SHB: variants seen among roughly 807,000 people sequenced by gnomAD.
SHB encodes the protein SH2 domain containing adaptor protein B, also known as SH2 domain-containing adapter protein B.
Under a neutral mutation model 52.3 loss-of-function variants are expected in SHB, and 20 were observed. The observed-to-expected ratio is 0.38, with a 90% CI of 0.27 to 0.56. The LOEUF (loss-of-function observed/expected upper bound fraction) is 0.56, where lower values mean the gene tolerates loss of function less well. SHB is among the 20% of genes least tolerant of loss of function. SHB has a pLI of 0.71. For missense variants in SHB, 825 were observed against 723.3 expected (o/e 1.14, Z -1.61); for synonymous variants, 397 against 316.5 (o/e 1.25, Z -2.70).
chr9:37,975,860 G>A (rs1433232414), intron 2 of SHB, among the ~76,000 whole-genome samples: 3 of 152,154 alleles, frequency 2.0e-5, no homozygotes, highest in Non-Finnish European at 4.4e-5. Context: ...GGCAGGGCAG[G>A]AGGGAAGGGA....
chr9:38,015,501 A>G, intron 2 of SHB: 1 of 701,166 alleles, frequency 1.4e-6, no homozygotes, highest in East Asian at 2.7e-5. Context: ...GACCAGGGTT[A>G]TTTATGCTGC....
At chr9:37,970,249 C>T (rs758935186) in intron 3 of SHB, among the ~76,000 whole-genome samples, 1 of 152,198 alleles carries the variant, frequency 6.6e-6, no homozygotes, top group African/African-American at 2.4e-5. Context: ...GCTGTTTGGA[C>T]GGCTCCAAGT....
intron 3 of SHB, among the ~76,000 whole-genome samples, chr9:37,957,703 C>G (rs536074628): frequency 1.3e-5 from 2 of 152,210 alleles, no homozygotes; most frequent in African/African-American, 4.8e-5. Flanking sequence ...GACAGAGATA[C>G]CTGCCTTATG....
chr9:37,948,880 C>A, intron 4 of SHB, 126 bp from the exon 5 acceptor site: 1 of 1,251,534 alleles, frequency 8.0e-7, no homozygotes, highest in Non-Finnish European at 1.1e-6. Flanking sequence ...TGGTTCATTC[C>A]ATGGGTACCC....
At chr9:38,030,673 C>G (rs1334098733) in intron 1 of SHB, among the ~76,000 whole-genome samples, 1 of 152,168 alleles carries the variant, frequency 6.6e-6, no homozygotes, top group African/African-American at 2.4e-5. Context: ...TTTGGAAATT[C>G]TTAATAATTT....
intron 2 of SHB, among the ~76,000 whole-genome samples, chr9:37,985,429 TC>T (rs1198995110): frequency 6.6e-6 from 1 of 152,246 alleles, no homozygotes; most frequent in African/African-American, 2.4e-5. Context: ...TCTGCAATGA[TC>T]CACAGTGTCC....
At position 37,953,148 on chromosome 9, in the gene SHB, C is replaced by T. The variant is rs1832586099; in HGVS notation, c.1226+2735G>A. ...GAAGGAGAGTGGTCAACTGTGGTGA[C>T]TGCCACGGAGGACAGAGGGGGTCGT... On this transcript the variant is annotated intron_variant, in intron 4 of 5. Coordinates refer to ENST00000377707, the MANE Select transcript of SHB (RefSeq NM_003028.3). 2.0e-5 allele frequency among the ~76,000 whole-genome samples: 3 copies of T among 152,082 alleles called. No individual in the cohort carries two copies. The South Asian group carries it at 6.2e-4, about 32-fold the overall frequency.
At chr9:38,048,824 C>T (rs1276962357) in intron 1 of SHB, among the ~76,000 whole-genome samples, 3 of 152,096 alleles carry the variant, frequency 2.0e-5, no homozygotes, top group Admixed American at 1.3e-4. Flanking sequence ...TTTGGTTTTG[C>T]CAAATGTTTT....
chr9:37,957,355 T>C (rs1587211994), intron 3 of SHB, among the ~76,000 whole-genome samples: 1 of 152,110 alleles, frequency 6.6e-6, no homozygotes, highest in South Asian at 2.1e-4. Context: ...GCTGGCGGGG[T>C]AACGTGCTGT....
intron 1 of SHB, among the ~76,000 whole-genome samples, chr9:38,052,316 G>A (rs570444526): frequency 1.3e-5 from 2 of 152,232 alleles, no homozygotes; most frequent in South Asian, 4.1e-4. Flanking sequence ...ACTTGTACAA[G>A]GCCTCCTCCG....
intron 2 of SHB, among the ~76,000 whole-genome samples, chr9:37,985,443 T>C (rs1003302241): frequency 3.3e-5 from 5 of 152,262 alleles, no homozygotes; most frequent in African/African-American, 1.2e-4. Context: ...CAGTGTCCAT[T>C]AGCCCTACCA....
chr9:38,067,439 G>C (rs1230465863), intron 1 of SHB, among the ~76,000 whole-genome samples: 3 of 152,152 alleles, frequency 2.0e-5, no homozygotes, highest in Non-Finnish European at 4.4e-5. Flanking sequence ...AGCCGCGAGA[G>C]ATTTACATAT....
rs1822000511 is a variant in SHB at position 38,068,226 on chromosome 9, G to A, written c.420C>T (p.Cys140=). 2.1e-6 allele frequency: 3 copies of A among 1,396,590 alleles called. No homozygotes were observed. Among genetic ancestry groups the A allele is most frequent in the African/African-American group, 3.0e-5 (2 of 65,768 alleles). 86.5% of individuals were successfully genotyped at this position (1,396,590 alleles called of 1,614,324 possible). A position where few individuals can be genotyped will look rare whatever the true frequency, so the allele number is the denominator to read the frequency against. Reference sequence around the variant, plus strand: ...CGGCCCCCGCGCCCGAGGAGGCGCAGCAACAGCCCGCGGCGCCCGACGCGG... The same window carrying A: ...CGGCCCCCGCGCCCGAGGAGGCGCAACAACAGCCCGCGGCGCCCGACGCGG... The part of the protein sequence containing the change: ...ASSASGAAGC[C]CASSGAGAAA... The change falls in exon 1 of 6, where the codon TGC becomes TGT. Residue 140 remains cysteine (C), a synonymous_variant. Transcript: ENST00000377707.
chr9:37,944,992 A>G (rs1832475984), intron 5 of SHB, among the ~76,000 whole-genome samples: 1 of 151,840 alleles, frequency 6.6e-6, no homozygotes, highest in Non-Finnish European at 1.5e-5. Context: ...GACTGTTCTC[A>G]CCTCTGGACT....
At position 37,925,022 on chromosome 9, in the gene SHB, T is replaced by C. The variant is rs141372372; in HGVS notation, c.1347-5018A>G. 1.2e-3 allele frequency among the ~76,000 whole-genome samples: 177 copies of C among 152,300 alleles called. 1 individual carries two copies. The East Asian group carries it at 0.031, about 27-fold the overall frequency. ...GGAGGTTAAGAATCCTGTCAGCCCA[T>C]TGTGATGTTTCTCAGCAGGCTGAGC... is the stretch of plus-strand genomic sequence containing the variant. On this transcript the variant is annotated intron_variant, in intron 5 of 5. Coordinates refer to ENST00000377707, the MANE Select transcript of SHB (RefSeq NM_003028.3).
chr9:37,974,716 C>T lies in SHB; in HGVS notation c.960G>A (p.Leu320=). 4 of 1,614,160 alleles carry T rather than the reference C, an allele frequency of 2.5e-6. No homozygotes were observed. Among genetic ancestry groups the T allele is most frequent in the Non-Finnish European group, 3.4e-6 (4 of 1,180,024 alleles). ...SDSESTVSPR[L]RESKLPQDDD... ...CATCCTGGGGCAGCTTGCTCTCCCG[C>T]AGTCGGGGGCTGACTGTGCTCTCCG... The change falls in exon 3 of 6, where the codon CTG becomes CTA. Residue 320 remains leucine, a synonymous_variant. Coordinates refer to ENST00000377707, the MANE Select transcript of SHB (RefSeq NM_003028.3).
Position 38,068,617 on chromosome 9 carries a change from C to A in SHB, c.29G>T (p.Ser10Ile), listed in dbSNP as rs766207159. 1.2e-5 allele frequency: 18 copies of A among 1,488,860 alleles called. No individual in the cohort carries two copies. The South Asian group carries it at 2.3e-4, about 19-fold the overall frequency. 92.2% of individuals were successfully genotyped at this position (1,488,860 alleles called of 1,614,324 possible). ...GCTCTTGGTCTTGCTGTTGCCCAAG[C>A]TGAAGTACTTGTTTAGCCACTTGGC... MAKWLNKYF[S>I]LGNSKTKSPP... The change falls in exon 1 of 6, where the codon AGC (serine) becomes ATC (isoleucine). Residue 10 changes from serine to isoleucine, a missense_variant. Ser to Ile is a moderately radical substitution (Grantham distance 142). Transcript: ENST00000377707.
Position 37,948,740 on chromosome 9 carries a change from G to C in SHB, c.1241C>G (p.Ala414Gly). ...GTTCTCGGCGTCTCCTCTGCTGATGGCTCCGTGATACCATCTGTGGAGAGG... is the reference window on the plus strand; with the variant it reads ...GTTCTCGGCGTCTCCTCTGCTGATGCCTCCGTGATACCATCTGTGGAGAGG... ...PLEKQIWYHG[A>G]ISRGDAENLL... The change falls in exon 5 of 6, where the codon GCC (alanine) becomes GGC (glycine). Residue 414 changes from alanine to glycine, a missense_variant. Coordinates refer to ENST00000377707, the MANE Select transcript of SHB (RefSeq NM_003028.3). 6.2e-7 allele frequency: 1 copy of C among 1,613,790 alleles called. No homozygotes were observed.
intron 2 of SHB, among the ~76,000 whole-genome samples, chr9:37,982,814 G>A (rs140917978): frequency 6.1e-4 from 92 of 151,904 alleles, no homozygotes; most frequent in African/African-American, 1.9e-3. Flanking sequence ...AAAAAAAAAA[G>A]AATAAGCATC....
Sources: allele counts gnomAD v4.1 joint callset (sites outside exome capture counted in the v4.1 genomes callset), GRCh38; gene constraint gnomAD v4.1.1; transcripts MANE v1.5; gene names NCBI Gene and HGNC (gene_info 2026-07-23, HGNC 2026-07-21).